The following THRB variants were observed in gnomAD, a reference collection of about 807,000 sequenced individuals.
The protein encoded by THRB is thyroid hormone receptor beta.
Under a neutral mutation model 47.8 loss-of-function variants are expected in THRB, and 12 were observed. The ratio of observed to expected loss-of-function variants is 0.25; its 90% CI spans 0.16 to 0.41. THRB has a LOEUF of 0.41. Ranked by LOEUF, THRB falls within the 10% of genes least tolerant of loss-of-function variation. The pLI is 1.00. For missense variants in THRB, 348 were observed against 589.2 expected (o/e 0.59, Z 4.24); for synonymous variants, 218 against 212.2 (o/e 1.03, Z -0.24).
At chr3:24,149,469 C>T (rs772531151) in intron 6 of THRB, among the ~76,000 whole-genome samples, 1 of 152,150 alleles carries the variant, frequency 6.6e-6, no homozygotes, top group African/African-American at 2.4e-5. Context: ...GTGTGACACA[C>T]CAGACACTCC....
intron 4 of THRB, among the ~76,000 whole-genome samples, chr3:24,220,784 A>G (rs1382496737): frequency 1.4e-5 from 2 of 144,044 alleles, no homozygotes; most frequent in Non-Finnish European, 3.0e-5. Context: ...AAAGAACTTC[A>G]GTCAAGGTTA....
chr3:24,460,794 T>C (rs1256526390), intron 1 of THRB, among the ~76,000 whole-genome samples: 1 of 152,188 alleles, frequency 6.6e-6, no homozygotes, highest in Non-Finnish European at 1.5e-5. Flanking sequence ...AAGATTCTGC[T>C]CCAGACAAAA....
intron 1 of THRB, among the ~76,000 whole-genome samples, chr3:24,397,081 C>T (rs2067021156): frequency 6.6e-6 from 1 of 152,056 alleles, no homozygotes; most frequent in Non-Finnish European, 1.5e-5. Flanking sequence ...TAGAACTCAG[C>T]ATAGATATTA....
At chr3:24,249,380 T>C (rs566887740) in intron 3 of THRB, among the ~76,000 whole-genome samples, 74 of 152,210 alleles carry the variant, frequency 4.9e-4, no homozygotes, top group Non-Finnish European at 5.1e-4. Flanking sequence ...CTTATACTTC[T>C]AATACTTTAA....
intron 1 of THRB, among the ~76,000 whole-genome samples, chr3:24,402,405 G>A (rs1165938911): frequency 6.6e-6 from 1 of 151,514 alleles, no homozygotes; most frequent in East Asian, 2.0e-4. Flanking sequence ...TCTGTGCACT[G>A]TCAAATTTGG....
chr3:24,304,267 T>C (rs2057173418), intron 2 of THRB, among the ~76,000 whole-genome samples: 1 of 152,138 alleles, frequency 6.6e-6, no homozygotes, highest in Admixed American at 6.5e-5. Flanking sequence ...CATGGAATAT[T>C]AATAAAATAT....
intron 1 of THRB, among the ~76,000 whole-genome samples, chr3:24,448,019 T>C (rs2072269891): frequency 6.6e-6 from 1 of 152,072 alleles, no homozygotes. Context: ...TTGAAACCTG[T>C]AGCGATCTTG....
chr3:24,343,711 C>T (rs909968130), intron 1 of THRB, among the ~76,000 whole-genome samples: 1 of 152,010 alleles, frequency 6.6e-6, no homozygotes, highest in Middle Eastern at 3.4e-3. Flanking sequence ...TCTCCAAATC[C>T]TTCTCAAATA....
intron 1 of THRB, among the ~76,000 whole-genome samples, chr3:24,422,544 C>T (rs1489033179): frequency 6.6e-6 from 1 of 151,928 alleles, no homozygotes; most frequent in African/African-American, 2.4e-5. Context: ...CCACTCTCCT[C>T]AATTTCCTCC....
intron 5 of THRB, among the ~76,000 whole-genome samples, chr3:24,167,119 C>G (rs1284437460): frequency 2.0e-5 from 3 of 151,974 alleles, no homozygotes; most frequent in Admixed American, 1.3e-4. Context: ...GTAAAGGAGC[C>G]ATAGACTCAA....
chr3:24,350,469 G>C (rs1335421416), intron 1 of THRB, among the ~76,000 whole-genome samples: 2 of 152,142 alleles, frequency 1.3e-5, no homozygotes, highest in Admixed American at 1.3e-4. Context: ...TAGTAGAACA[G>C]ATTAAAACTT....
chr3:24,377,851 A>G (rs967330490), intron 1 of THRB, among the ~76,000 whole-genome samples: 4 of 152,130 alleles, frequency 2.6e-5, no homozygotes, highest in African/African-American at 4.8e-5. Context: ...TGAGTCTATG[A>G]AATAAGGGAC....
intron 1 of THRB, among the ~76,000 whole-genome samples, chr3:24,491,974 C>A (rs761904139): frequency 3.9e-5 from 6 of 152,188 alleles, no homozygotes; most frequent in Middle Eastern, 3.4e-3. Flanking sequence ...GAATGGAAGA[C>A]CAGCTTTTAT....
At chr3:24,223,262 G>T (rs74727376) in intron 4 of THRB, among the ~76,000 whole-genome samples, 5,124 of 150,578 alleles carry the variant, frequency 0.034, 288 homozygotes, top group African/African-American at 0.12. Context: ...AGTGTTAAAG[G>T]TAAGTATGAG....
At chr3:24,274,439 T>A (rs1471576932) in intron 3 of THRB, among the ~76,000 whole-genome samples, 1 of 152,176 alleles carries the variant, frequency 6.6e-6, no homozygotes, top group African/African-American at 2.4e-5. Flanking sequence ...CTTTGTGGGT[T>A]ATATGCATGC....
intron 4 of THRB, among the ~76,000 whole-genome samples, chr3:24,198,388 C>G (rs1186913045): frequency 2.0e-5 from 3 of 150,738 alleles, no homozygotes; most frequent in Non-Finnish European, 4.4e-5. Context: ...AATACATGAG[C>G]CAACACATGG....
chr3:24,329,840 C>T (rs1311490924), intron 2 of THRB, among the ~76,000 whole-genome samples: 2 of 152,218 alleles, frequency 1.3e-5, no homozygotes, highest in African/African-American at 4.8e-5. Context: ...AAGCAACATG[C>T]ATCACTGGGG....
intron 1 of THRB, among the ~76,000 whole-genome samples, chr3:24,429,503 G>A (rs1054791307): frequency 1.3e-5 from 2 of 151,906 alleles, no homozygotes; most frequent in African/African-American, 4.8e-5. Flanking sequence ...GTCACTTGAG[G>A]AAATGGTATG....
chr3:24,280,774 G>A (rs908407712), intron 3 of THRB, among the ~76,000 whole-genome samples: 3 of 151,994 alleles, frequency 2.0e-5, no homozygotes, highest in Non-Finnish European at 4.4e-5. Context: ...CAAGGCTCGA[G>A]AACTACGTGA....
Sources: allele counts gnomAD v4.1 joint callset (sites outside exome capture counted in the v4.1 genomes callset), GRCh38; gene constraint gnomAD v4.1.1; transcripts MANE v1.5; gene names NCBI Gene and HGNC (gene_info 2026-07-23, HGNC 2026-07-21).